AFF3: variants seen among roughly 807,000 people sequenced by gnomAD.
The protein encoded by AFF3 is AF4/FMR2 family member 3.
Under a neutral mutation model 129.7 loss-of-function variants are expected in AFF3, and 32 were observed. That is an observed-to-expected ratio of 0.25 (90% confidence interval 0.19 to 0.33). The LOEUF (loss-of-function observed/expected upper bound fraction) is 0.33. AFF3 is among the 10% of genes least tolerant of loss of function. The pLI is 1.00. For synonymous variants in AFF3, 644 were observed against 635.4 expected (o/e 1.01, Z -0.20); for missense variants, 1,373 against 1,592.0 (o/e 0.86, Z 2.34).
intron 4 of AFF3, among the ~76,000 whole-genome samples, chr2:100,070,954 T>C (rs2105300119): frequency 6.6e-6 from 1 of 152,324 alleles, no homozygotes; most frequent in Admixed American, 6.5e-5. Flanking sequence ...TTTCTTATAA[T>C]AGGATATATT....
In AFF3 at chr2:99,842,522, C is replaced by T. The variant is rs371888880; in HGVS notation, c.874-4998G>A. 2.0e-4 allele frequency among the ~76,000 whole-genome samples: 30 copies of T among 152,254 alleles called. 1 individual carries two copies. The highest frequency in any genetic ancestry group is 7.2e-4 in the African/African-American group (30 of 41,540). On this transcript the variant is annotated intron_variant, in intron 7 of 24. Transcript: ENST00000672756. ...CCGTATTTACTCCAACTTTGAGGAA[C>T]CCACCTCATTTTCCTATCATTACAT... is the stretch of plus-strand genomic sequence containing the variant.
chr2:99,613,649 C>G (rs1010945112), intron 13 of AFF3, among the ~76,000 whole-genome samples: 1 of 152,090 alleles, frequency 6.6e-6, no homozygotes, highest in African/African-American at 2.4e-5. Flanking sequence ...ACCATAATAA[C>G]TCTAGTATTT....
At chr2:99,638,405 C>T (rs1170560986) in intron 13 of AFF3, among the ~76,000 whole-genome samples, 1 of 151,910 alleles carries the variant, frequency 6.6e-6, no homozygotes. Flanking sequence ...TCCCTTTGGC[C>T]CTTTCCTGTG....
chr2:99,567,400 CATATA>C (rs1676073463), intron 19 of AFF3, among the ~76,000 whole-genome samples: 1 of 152,122 alleles, frequency 6.6e-6, no homozygotes, highest in Non-Finnish European at 1.5e-5. Flanking sequence ...TTTCCAGGAA[CATATA>C]ATAGACTTGG....
chr2:99,842,090 T>C (rs576510801), intron 7 of AFF3, among the ~76,000 whole-genome samples: 24 of 152,186 alleles, frequency 1.6e-4, no homozygotes, highest in African/African-American at 5.8e-4. Flanking sequence ...TTCTGTGACA[T>C]TAAAAAATAA....
chr2:99,792,238 C>T (rs1412415537), intron 8 of AFF3, among the ~76,000 whole-genome samples: 1 of 152,160 alleles, frequency 6.6e-6, no homozygotes, highest in Non-Finnish European at 1.5e-5. Context: ...AACTCTGGGA[C>T]TGAGGCTAGA....
chr2:100,072,395 T>C (rs998198053), intron 4 of AFF3, among the ~76,000 whole-genome samples: 2 of 152,194 alleles, frequency 1.3e-5, no homozygotes, highest in African/African-American at 4.8e-5. Context: ...TCCTCGTCCA[T>C]GGAACAACTG....
chr2:99,719,133 T>C (rs1175397559), intron 11 of AFF3, among the ~76,000 whole-genome samples: 1 of 151,428 alleles, frequency 6.6e-6, no homozygotes, highest in African/African-American at 2.4e-5. Flanking sequence ...GGAGTGTTTT[T>C]TTTTTCTTTT....
intron 13 of AFF3, chr2:99,631,110 TG>T: frequency 3.2e-6 from 1 of 315,878 alleles, no homozygotes. Flanking sequence ...TGGGAGTGCC[TG>T]GACGTGTGAT....
At chr2:100,049,804 T>C (rs1686139974) in intron 4 of AFF3, among the ~76,000 whole-genome samples, 1 of 152,016 alleles carries the variant, frequency 6.6e-6, no homozygotes, top group Non-Finnish European at 1.5e-5. Flanking sequence ...ATGGGCAGAG[T>C]GGGAGGTCAA....
chr2:99,759,915 T>C (rs1682441197), intron 8 of AFF3, among the ~76,000 whole-genome samples: 1 of 152,202 alleles, frequency 6.6e-6, no homozygotes, highest in Non-Finnish European at 1.5e-5. Context: ...CTCAGTAAAC[T>C]ACCGTGATTT....
At chr2:100,045,222 G>A (rs1016209449) in intron 4 of AFF3, among the ~76,000 whole-genome samples, 1 of 152,112 alleles carries the variant, frequency 6.6e-6, no homozygotes, top group Non-Finnish European at 1.5e-5. Flanking sequence ...AGAGAAGACG[G>A]TGAGGTCACT....
intron 12 of AFF3, among the ~76,000 whole-genome samples, chr2:99,661,525 C>T (rs1047703897): frequency 1.3e-5 from 2 of 152,162 alleles, no homozygotes; most frequent in Admixed American, 6.6e-5. Flanking sequence ...TTAGGGTCCT[C>T]AGGCTGAAAC....
chr2:99,576,670 T>C (rs1677030461), intron 18 of AFF3, among the ~76,000 whole-genome samples: 1 of 152,220 alleles, frequency 6.6e-6, no homozygotes, highest in African/African-American at 2.4e-5. Flanking sequence ...GTATATACCA[T>C]GCTCTCAAAA....
chr2:100,004,119 C>T (rs2104710482), intron 7 of AFF3, among the ~76,000 whole-genome samples: 1 of 152,290 alleles, frequency 6.6e-6, no homozygotes, highest in Admixed American at 6.5e-5. Flanking sequence ...CCTAACCCTT[C>T]CAGCCCCCAA....
At chr2:99,848,723 T>C (rs552875135) in intron 7 of AFF3, among the ~76,000 whole-genome samples, 2 of 152,196 alleles carry the variant, frequency 1.3e-5, no homozygotes, top group Admixed American at 6.5e-5. Flanking sequence ...AAAATTGTCA[T>C]GGTTATTTTC....
At chr2:99,689,776 C>T (rs967507427) in intron 11 of AFF3, among the ~76,000 whole-genome samples, 4 of 150,482 alleles carry the variant, frequency 2.7e-5, no homozygotes, top group Admixed American at 6.6e-5. Flanking sequence ...TAAAATACAT[C>T]TGGAGTGGGC....
chr2:99,825,291 T>C (rs1288176539), intron 8 of AFF3, among the ~76,000 whole-genome samples: 1 of 152,220 alleles, frequency 6.6e-6, no homozygotes, highest in Admixed American at 6.5e-5. Context: ...TTCTAATTTT[T>C]CAAGGCTTAT....
intron 8 of AFF3, among the ~76,000 whole-genome samples, chr2:99,776,095 A>G (rs1396317317): frequency 6.6e-6 from 1 of 152,242 alleles, no homozygotes; most frequent in Admixed American, 6.5e-5. Context: ...AGGAGGAAAC[A>G]AAGTGTGGGG....
Sources: allele counts gnomAD v4.1 joint callset (sites outside exome capture counted in the v4.1 genomes callset), GRCh38; gene constraint gnomAD v4.1.1; transcripts MANE v1.5; gene names NCBI Gene and HGNC (gene_info 2026-07-23, HGNC 2026-07-21).